TEX26: variants seen among roughly 807,000 people sequenced by gnomAD.
TEX26 encodes the protein testis expressed 26.
A neutral mutation model predicts 35.3 loss-of-function variants in TEX26; 34 were observed. The observed-to-expected ratio is 0.96, with a 90% CI of 0.73 to 1.28. The LOEUF is 1.28. TEX26 is among the 50% of genes most tolerant of loss of function. The pLI is 0.00. For synonymous variants in TEX26, 136 were observed against 111.8 expected, an observed-to-expected ratio of 1.22 and a Z score of -1.36; for missense variants, 371 against 330.1, an observed-to-expected ratio of 1.12 and a Z score of -0.96.
intron 6 of TEX26, 120 bp downstream of exon 6, chr13:30,969,166 C>CAAA (rs35969747): frequency 1.6e-3 from 961 of 601,986 alleles, no homozygotes; most frequent in East Asian, 2.7e-3. Flanking sequence ...AACATTGCCT[C>CAAA]AAAAAAAAAA....
chr13:30,936,718 G>A lies in TEX26; in HGVS notation c.62-2976G>A, dbSNP rs1431368598. 5 of 985,244 alleles carry A rather than the reference G, an allele frequency of 5.1e-6. No homozygotes were observed. The Admixed American group carries it at 2.5e-4, about 49-fold the overall frequency. 61.0% of individuals were successfully genotyped at this position (985,244 alleles called of 1,614,324 possible). Reference sequence around the variant, plus strand: ...CTCCACAGGGCTGGGTCCACGGGAGGGCTTGGGGACTTCTTTGAAGGAGGA... The same window carrying A: ...CTCCACAGGGCTGGGTCCACGGGAGAGCTTGGGGACTTCTTTGAAGGAGGA... On this transcript the variant is annotated intron_variant, in intron 1 of 6. Transcript: ENST00000380473.
chr13:30,962,493 C>T (rs560198529), intron 4 of TEX26, among the ~76,000 whole-genome samples: 7 of 152,306 alleles, frequency 4.6e-5, no homozygotes, highest in East Asian at 1.9e-4. Flanking sequence ...TTGTACGCCT[C>T]GCCTCTCTTC....
At chr13:30,952,942 T>A in intron 3 of TEX26, 117 bp downstream of exon 3, 1 of 882,238 alleles carries the variant, frequency 1.1e-6, no homozygotes, top group Admixed American at 3.1e-5. Flanking sequence ...ACAGGATACA[T>A]GGTTCTTTTT....
intron 1 of TEX26, 23 bp from the exon 2 acceptor site, chr13:30,939,671 A>T: frequency 6.3e-7 from 1 of 1,598,164 alleles, no homozygotes; most frequent in Non-Finnish European, 8.6e-7. Flanking sequence ...GCCATATTTA[A>T]AACTGCTTTA....
At chr13:30,937,829 A>G (rs570428437) in intron 1 of TEX26, among the ~76,000 whole-genome samples, 1 of 152,326 alleles carries the variant, frequency 6.6e-6, no homozygotes, top group East Asian at 1.9e-4. Flanking sequence ...ATAGTTGCAG[A>G]TGATCAGATC....
At chr13:30,962,112 C>T (rs1954366897) in intron 4 of TEX26, among the ~76,000 whole-genome samples, 1 of 152,230 alleles carries the variant, frequency 6.6e-6, no homozygotes, top group South Asian at 2.1e-4. Flanking sequence ...CACCTGGCAG[C>T]TAGAGGAGCT....
At chr13:30,970,997 G>A (rs140537488) in intron 6 of TEX26, among the ~76,000 whole-genome samples, 1 of 152,296 alleles carries the variant, frequency 6.6e-6, no homozygotes, top group African/African-American at 2.4e-5. Context: ...GTTCCCTCAG[G>A]GCAGCACCAG....
chr13:30,962,206 A>G (rs1413275069), intron 4 of TEX26, among the ~76,000 whole-genome samples: 1 of 152,216 alleles, frequency 6.6e-6, no homozygotes, highest in East Asian at 1.9e-4. Context: ...GTGCAAACTG[A>G]TGTCACTTTA....
intron 3 of TEX26, among the ~76,000 whole-genome samples, chr13:30,954,754 G>T (rs1954064233): frequency 6.6e-6 from 1 of 152,050 alleles, no homozygotes; most frequent in Admixed American, 6.6e-5. Context: ...CACTATGCTT[G>T]GTCATCCTTT....
At chr13:30,939,569 T>C in intron 1 of TEX26, 125 bp from the exon 2 acceptor site, 1 of 792,382 alleles carries the variant, frequency 1.3e-6, no homozygotes, top group South Asian at 1.7e-5. Flanking sequence ...CTTTATTCCT[T>C]AGACTCTAAA....
chr13:30,966,609 T>C (rs981996536), intron 5 of TEX26, among the ~76,000 whole-genome samples: 2 of 152,008 alleles, frequency 1.3e-5, no homozygotes, highest in African/African-American at 4.8e-5. Context: ...AGCTAATTCT[T>C]TGTATTTTTA....
rs755730945 is a variant in TEX26, at chr13:30,966,268, G to C, written c.516G>C (p.Lys172Asn). 6.2e-7 allele frequency: 1 copy of C among 1,614,006 alleles called. No homozygotes were observed. The highest frequency in any genetic ancestry group is 2.2e-5 in the East Asian group (1 of 44,864). ...CTCACTTGTCTCTGGAATGGAAAAA[G>C]TTACTTCCCCAACCTCCAGACACTG... ...KSSHLSLEWK[K>N]LLPQPPDTEF... Residue 172 changes from lysine (K) to asparagine (N), a missense_variant, in exon 5 of 7, where the codon AAG (lysine) becomes AAC (asparagine). By Grantham distance (94) the Lys-to-Asn change is moderately conservative. Transcript: ENST00000380473.
At chr13:30,967,300 A>G (rs1159226962) in intron 5 of TEX26, among the ~76,000 whole-genome samples, 1 of 152,070 alleles carries the variant, frequency 6.6e-6, no homozygotes, top group Non-Finnish European at 1.5e-5. Context: ...TGGCCTAGAA[A>G]TTACCTCATC....
chr13:30,932,819 T>C, intron 1 of TEX26, 43 bp downstream of exon 1: 1 of 1,600,190 alleles, frequency 6.2e-7, no homozygotes, highest in African/African-American at 1.3e-5. Flanking sequence ...GGGGCTGGGG[T>C]CTTTCCCGGG....
At chr13:30,936,303 G>A (rs374430071) in intron 1 of TEX26, among the ~76,000 whole-genome samples, 12 of 152,152 alleles carry the variant, frequency 7.9e-5, no homozygotes, top group African/African-American at 2.7e-4. Flanking sequence ...GTCAAGGTTA[G>A]CAGAATGAGG....
chr13:30,936,005 C>T (rs546755881), intron 1 of TEX26, among the ~76,000 whole-genome samples: 4 of 152,272 alleles, frequency 2.6e-5, no homozygotes, highest in African/African-American at 4.8e-5. Context: ...AGGATGATTT[C>T]CTAATCTCGA....
intron 2 of TEX26, among the ~76,000 whole-genome samples, chr13:30,940,843 C>T (rs892081805): frequency 2.0e-5 from 3 of 151,986 alleles, no homozygotes; most frequent in African/African-American, 4.8e-5. Context: ...GAGGCAGAGG[C>T]ACGAGAATTG....
Position 30,932,786 on chromosome 13 carries a change from C to T in TEX26, c.61+10C>T. On this transcript the variant is annotated intron_variant, in intron 1 of 6. Transcript: ENST00000380473. ...CACAACCTCCAGCCAAGTAAGACAG[C>T]AGACTCTGCCGGTCTGCGGGGCGGG... 6.2e-7 allele frequency: 1 copy of T among 1,613,588 alleles called. No homozygotes were observed. The highest frequency in any genetic ancestry group is 2.2e-5 in the East Asian group (1 of 44,866).
chr13:30,939,843 C>A, intron 2 of TEX26, 65 bp downstream of exon 2: 1 of 1,424,300 alleles, frequency 7.0e-7, no homozygotes, highest in South Asian at 1.2e-5. Flanking sequence ...TTTTATGACT[C>A]AGAATCCAAA....
Sources: allele counts gnomAD v4.1 joint callset (sites outside exome capture counted in the v4.1 genomes callset), GRCh38; gene constraint gnomAD v4.1.1; transcripts MANE v1.5; gene names NCBI Gene and HGNC (gene_info 2026-07-23, HGNC 2026-07-21).